The following GPC6 variants were observed in gnomAD, a reference collection of about 807,000 sequenced individuals.
The protein encoded by GPC6 is glypican 6, also known as glypican-6.
In GPC6, 14 loss-of-function variants were observed where a neutral mutation model predicts 55.2. The ratio of observed to expected loss-of-function variants is 0.25; its 90% CI spans 0.17 to 0.40. The LOEUF (loss-of-function observed/expected upper bound fraction) is 0.40. GPC6 is among the 10% of genes least tolerant of loss of function. The pLI is 1.00. For synonymous variants in GPC6, 278 were observed against 259.6 expected (o/e 1.07, Z -0.68); for missense variants, 641 against 708.5 (o/e 0.90, Z 1.08).
At chr13:93,241,267 A>T (rs1381152452) in intron 1 of GPC6, among the ~76,000 whole-genome samples, 1 of 152,210 alleles carries the variant, frequency 6.6e-6, no homozygotes, top group African/African-American at 2.4e-5. Flanking sequence ...CTCCTTCAGG[A>T]ATACCTATGA....
intron 4 of GPC6, among the ~76,000 whole-genome samples, chr13:94,178,043 G>A (rs1344752170): frequency 1.2e-5 from 1 of 81,462 alleles, no homozygotes; most frequent in Admixed American, 1.0e-4. Flanking sequence ...TTTTGAGATG[G>A]AGTCTCAGTC....
At chr13:93,471,185 T>G (rs1594193298) in intron 1 of GPC6, among the ~76,000 whole-genome samples, 1 of 152,198 alleles carries the variant, frequency 6.6e-6, no homozygotes, top group East Asian at 1.9e-4. Context: ...TCTAGCTAGT[T>G]AAGATGGAAA....
intron 4 of GPC6, among the ~76,000 whole-genome samples, chr13:94,211,838 G>A (rs146743690): frequency 7.9e-5 from 12 of 152,312 alleles, no homozygotes; most frequent in African/African-American, 2.9e-4. Flanking sequence ...TTACAATGGG[G>A]AGAAGAGTCT....
chr13:93,417,638 A>C (rs8001086), intron 1 of GPC6, among the ~76,000 whole-genome samples: 2,042 of 152,200 alleles, frequency 0.013, 35 homozygotes, highest in African/African-American at 0.04. Flanking sequence ...GAGTAATTGA[A>C]AATTTAAACA....
intron 3 of GPC6, among the ~76,000 whole-genome samples, chr13:93,841,300 T>C (rs57800923): frequency 0.035 from 5,263 of 152,266 alleles, 269 homozygotes; most frequent in East Asian, 0.17. Flanking sequence ...TACGACATCC[T>C]AACATTTTTA....
At chr13:93,287,853 G>GC (rs1878187495) in intron 1 of GPC6, among the ~76,000 whole-genome samples, 1 of 151,818 alleles carries the variant, frequency 6.6e-6, no homozygotes, top group Non-Finnish European at 1.5e-5. Context: ...AGGAAATTAT[G>GC]TTTTTTTTAA....
At chr13:93,477,976 T>C (rs1385267294) in intron 1 of GPC6, among the ~76,000 whole-genome samples, 1 of 146,480 alleles carries the variant, frequency 6.8e-6, no homozygotes, top group Non-Finnish European at 1.5e-5. Flanking sequence ...GTACTTGGAT[T>C]ATCTCTTTGC....
intron 4 of GPC6, among the ~76,000 whole-genome samples, chr13:94,140,675 G>A (rs1887341884): frequency 1.3e-5 from 2 of 152,222 alleles, no homozygotes; most frequent in South Asian, 4.1e-4. Flanking sequence ...ATTCAGAAAT[G>A]TGGCTCCTTT....
At chr13:93,953,703 A>T (rs1439242684) in intron 3 of GPC6, among the ~76,000 whole-genome samples, 2 of 152,182 alleles carry the variant, frequency 1.3e-5, no homozygotes, top group Non-Finnish European at 2.9e-5. Context: ...CCTTGGCCAG[A>T]CCGTATGTAT....
At chr13:93,883,651 C>G (rs917265794) in intron 3 of GPC6, among the ~76,000 whole-genome samples, 6 of 151,822 alleles carry the variant, frequency 4.0e-5, no homozygotes, top group Non-Finnish European at 7.4e-5. Flanking sequence ...TGAGGAGATT[C>G]TTTGTTTTTT....
intron 4 of GPC6, among the ~76,000 whole-genome samples, chr13:94,073,843 A>C (rs1045575093): frequency 6.6e-6 from 1 of 152,200 alleles, no homozygotes; most frequent in Admixed American, 6.5e-5. Flanking sequence ...ACAACAACAA[A>C]AAATGACATA....
Position 94,134,140 on chromosome 13 carries a change from G to A in GPC6, c.877+106246G>A, listed in dbSNP as rs138523416. Among the ~76,000 whole-genome samples, 370 of 152,264 alleles carry A rather than the reference G, an allele frequency of 2.4e-3. 1 individual carries two copies. Among genetic ancestry groups the A allele is most frequent in the Middle Eastern group, 0.017 (5 of 294 alleles). On this transcript the variant is annotated intron_variant, in intron 4 of 8. Coordinates refer to ENST00000377047, the MANE Select transcript of GPC6 (RefSeq NM_005708.5). ...TTTCTTTTTCATTATCATAAAGGCA[G>A]TGACAAATTGGAAATGGTTGAATTC...
At chr13:93,494,779 A>T (rs1386844887) in intron 1 of GPC6, among the ~76,000 whole-genome samples, 1 of 149,602 alleles carries the variant, frequency 6.7e-6, no homozygotes, top group Non-Finnish European at 1.5e-5. Flanking sequence ...TCCTTCACTT[A>T]TGAAGCTTAG....
chr13:94,255,342 C>T (rs1891471511), intron 4 of GPC6, among the ~76,000 whole-genome samples: 2 of 152,142 alleles, frequency 1.3e-5, no homozygotes, highest in South Asian at 2.1e-4. Flanking sequence ...AAATACCGAC[C>T]TCTTTTATAG....
chr13:94,267,022 G>A (rs1891839458), intron 4 of GPC6, among the ~76,000 whole-genome samples: 1 of 152,132 alleles, frequency 6.6e-6, no homozygotes. Context: ...AAAGTTTTAA[G>A]TCTTCTAAAT....
In GPC6 at chr13:94,275,178, A is replaced by G. The variant is rs966138887; in HGVS notation, c.878-11171A>G. Among the ~76,000 whole-genome samples the G allele has an allele frequency of 3.9e-5, 6 of 152,368 alleles. No homozygotes were observed. The East Asian group carries it at 1.2e-3, about 29-fold the overall frequency. On this transcript the variant is annotated intron_variant, in intron 4 of 8. Transcript: ENST00000377047. ...AGAGTTTGGAAATACAGCAGTAACCAAAACAAGCAAAATCCTTGCCTTTTT... is the reference window on the plus strand; with the variant it reads ...AGAGTTTGGAAATACAGCAGTAACCGAAACAAGCAAAATCCTTGCCTTTTT...
chr13:93,393,051 TATAG>T lies in GPC6; in HGVS notation c.161-152200_161-152197del, dbSNP rs369150529. Among the ~76,000 whole-genome samples, 1,199 of 150,522 alleles carry T rather than the reference TATAG, an allele frequency of 8.0e-3. 24 individuals are homozygous for T. The highest frequency in any genetic ancestry group is 0.027 in the African/African-American group (1,084 of 40,888). On this transcript the variant is annotated intron_variant, in intron 1 of 8. Transcript: ENST00000377047. ...TTTATTGTTAATTAAATTTGAGAGA[TATAG>T]ATAGATAGATATTTGAGATATATCT...
At chr13:93,272,415 A>G (rs1426139695) in intron 1 of GPC6, among the ~76,000 whole-genome samples, 2 of 151,236 alleles carry the variant, frequency 1.3e-5, no homozygotes, top group Non-Finnish European at 2.9e-5. Flanking sequence ...AATAATTTAT[A>G]GACCAATGAA....
At chr13:94,253,823 T>G (rs1176036183) in intron 4 of GPC6, among the ~76,000 whole-genome samples, 1 of 152,156 alleles carries the variant, frequency 6.6e-6, no homozygotes, top group Non-Finnish European at 1.5e-5. Flanking sequence ...CATTAATCTC[T>G]CCTTCCTGTT....
Sources: allele counts gnomAD v4.1 joint callset (sites outside exome capture counted in the v4.1 genomes callset), GRCh38; gene constraint gnomAD v4.1.1; transcripts MANE v1.5; gene names NCBI Gene and HGNC (gene_info 2026-07-23, HGNC 2026-07-21).